TTLL1: variants seen among roughly 807,000 people sequenced by gnomAD.
TTLL1 encodes polyglutamylase complex subunit TTLL1.
TTLL1 carries 33 observed loss-of-function variants against 47.8 expected under a neutral mutation model. The ratio of observed to expected loss-of-function variants is 0.69; its 90% confidence interval spans 0.52 to 0.92. The LOEUF (loss-of-function observed/expected upper bound fraction) is 0.92, where lower values mean the gene tolerates loss of function less well. TTLL1 is among the 40% of genes least tolerant of loss of function. TTLL1 has a pLI of 0.00. For missense variants in TTLL1, 488 were observed against 547.5 expected, an observed-to-expected ratio of 0.89 and a Z score of 1.08; for synonymous variants, 225 against 214.1, an observed-to-expected ratio of 1.05 and a Z score of -0.45.
intron 1 of TTLL1, among the ~76,000 whole-genome samples, chr22:43,086,504 C>T (rs1469667789): frequency 6.6e-6 from 1 of 152,130 alleles, no homozygotes; most frequent in Non-Finnish European, 1.5e-5. Flanking sequence ...TTCTCATCCA[C>T]CCACACAGCC....
At chr22:43,041,025 C>A (rs1424055802) in intron 10 of TTLL1, among the ~76,000 whole-genome samples, 1 of 152,164 alleles carries the variant, frequency 6.6e-6, no homozygotes, top group Non-Finnish European at 1.5e-5. Flanking sequence ...ATGGGGCCGC[C>A]CCCCTCCACG....
At position 43,045,470 on chromosome 22, in the gene TTLL1, ATT is replaced by A. The variant is rs57003421; in HGVS notation, c.1142+938_1142+939del. On this transcript the variant is annotated intron_variant, in intron 10 of 10. Coordinates refer to ENST00000266254, the MANE Select transcript of TTLL1 (RefSeq NM_012263.5). ...CTGTAAAATAGATCTTATTATACCCATTTTTTTTTTTTTTTTTTTTTGTAGAG... is the reference window on the plus strand; with the variant it reads ...CTGTAAAATAGATCTTATTATACCCATTTTTTTTTTTTTTTTTTTGTAGAG... Among the ~76,000 whole-genome samples the A allele has an allele frequency of 4.6e-3, 501 of 107,942 alleles. 1 individual carries two copies. Among genetic ancestry groups the A allele is most frequent in the African/African-American group, 0.017 (456 of 27,092 alleles). The allele number at this position is 107,942 out of a possible 152,430, so 70.8% of individuals were successfully genotyped here.
chr22:43,073,578 A>T (rs1928276943), intron 3 of TTLL1, among the ~76,000 whole-genome samples: 1 of 150,956 alleles, frequency 6.6e-6, no homozygotes, highest in African/African-American at 2.4e-5. Flanking sequence ...CTGGTCTCCA[A>T]CTCCTGACCT....
chr22:43,057,159 A>G (rs1927071031), intron 8 of TTLL1, among the ~76,000 whole-genome samples: 1 of 151,950 alleles, frequency 6.6e-6, no homozygotes, highest in Non-Finnish European at 1.5e-5. Flanking sequence ...AATCCCAGCT[A>G]CTTGGGAGGC....
intron 3 of TTLL1, among the ~76,000 whole-genome samples, chr22:43,071,612 G>T (rs578198793): frequency 5.9e-5 from 9 of 152,168 alleles, no homozygotes; most frequent in African/African-American, 2.2e-4. Context: ...GTTTTGCCAC[G>T]TTGGCCAGGC....
intron 9 of TTLL1, among the ~76,000 whole-genome samples, chr22:43,050,421 C>CA (rs201095847): frequency 2.1e-3 from 265 of 126,096 alleles, no homozygotes; most frequent in Middle Eastern, 7.7e-3. Flanking sequence ...GTCTCAAAAA[C>CA]AAAAAAAAAA....
chr22:43,074,025 T>C (rs1928312782), intron 3 of TTLL1, among the ~76,000 whole-genome samples: 1 of 150,846 alleles, frequency 6.6e-6, no homozygotes, highest in Admixed American at 6.6e-5. Flanking sequence ...GGTTTTGTCA[T>C]GTTGGTCATG....
At chr22:43,089,218 CCG>C (rs556685938) in intron 1 of TTLL1, 57 bp downstream of exon 1, 3 of 152,432 alleles carry the variant, frequency 2.0e-5, no homozygotes, top group African/African-American at 7.2e-5. Flanking sequence ...ACTCGCCAGC[CCG>C]CGCGCAGCCA....
At chr22:43,044,167 C>T (rs1178541579) in intron 10 of TTLL1, among the ~76,000 whole-genome samples, 4 of 152,078 alleles carry the variant, frequency 2.6e-5, no homozygotes, top group Non-Finnish European at 5.9e-5. Context: ...ATCGCAAGCT[C>T]CCAATCCTGG....
intron 9 of TTLL1, among the ~76,000 whole-genome samples, chr22:43,046,976 T>C (rs974307439): frequency 1.3e-5 from 2 of 152,084 alleles, no homozygotes; most frequent in Non-Finnish European, 2.9e-5. Flanking sequence ...TGGAAAATGG[T>C]TATTTAATAT....
intron 8 of TTLL1, among the ~76,000 whole-genome samples, chr22:43,055,946 T>C (rs1926970807): frequency 6.6e-6 from 1 of 152,080 alleles, no homozygotes; most frequent in South Asian, 2.1e-4. Flanking sequence ...GGTCTCGCTA[T>C]ATTGCCCAGG....
Position 43,075,499 on chromosome 22 carries a change from C to A in TTLL1, c.88G>T (p.Glu30Ter), listed in dbSNP as rs745361101. ...CAGTAAAAATTCCAGTCCTCGTTTT[C>A]TGTCACTTGGACCCATCCTCTCTTT... ...FEKRGWVQVT[E>*]NEDWNFYWMS... The change falls in exon 3 of 11, where the codon GAA (glutamate) becomes TAA (stop). Residue 30 changes from glutamate (E) to a stop codon, truncating the protein, a stop_gained. Coordinates refer to ENST00000266254, the MANE Select transcript of TTLL1 (RefSeq NM_012263.5). LOFTEE classifies it high-confidence loss of function. 2 of 1,614,192 alleles carry A rather than the reference C, an allele frequency of 1.2e-6. No individual in the cohort carries two copies. The highest frequency in any genetic ancestry group is 1.7e-6 in the Non-Finnish European group (2 of 1,180,018).
rs760234023 is a variant in TTLL1, at chr22:43,051,890, GGAGA to G, written c.892-7_892-4del. 10 of 1,613,686 alleles carry G rather than the reference GGAGA, an allele frequency of 6.2e-6. No homozygotes were observed. Among genetic ancestry groups the G allele is most frequent in the African/African-American group, 1.3e-5 (1 of 74,876 alleles). On this transcript the variant is annotated splice_region_variant and splice_polypyrimidine_tract_variant and intron_variant, in intron 8 of 10. Transcript: ENST00000266254. ...TGCTTGTCATTGTTCATCACCGGCTGGAGAGAGAGTGACCAGTGGGTGACATGGC... is the reference window on the plus strand; with the variant it reads ...TGCTTGTCATTGTTCATCACCGGCTGGAGAGTGACCAGTGGGTGACATGGC...
At chr22:43,057,586 CCA>C (rs1927102330) in intron 8 of TTLL1, among the ~76,000 whole-genome samples, 1 of 152,086 alleles carries the variant, frequency 6.6e-6, no homozygotes, top group African/African-American at 2.4e-5. Flanking sequence ...AAGTATCCCA[CCA>C]CACACACACT....
intron 9 of TTLL1, among the ~76,000 whole-genome samples, chr22:43,048,356 T>C (rs1223211149): frequency 6.6e-6 from 1 of 151,310 alleles, no homozygotes; most frequent in Non-Finnish European, 1.5e-5. Flanking sequence ...TGTTTTAGGC[T>C]GTGTGCAGTG....
intron 3 of TTLL1, among the ~76,000 whole-genome samples, chr22:43,073,260 A>G (rs962911863): frequency 6.6e-6 from 1 of 152,100 alleles, no homozygotes; most frequent in Non-Finnish European, 1.5e-5. Context: ...TCCTGACCTC[A>G]GGTGATCCAC....
intron 10 of TTLL1, among the ~76,000 whole-genome samples, chr22:43,043,412 G>A (rs1282598746): frequency 2.6e-5 from 4 of 151,746 alleles, no homozygotes; most frequent in South Asian, 2.1e-4. Context: ...AAGTCTCCCC[G>A]CAATGGTCCC....
chr22:43,069,650 T>C lies in TTLL1; in HGVS notation c.308A>G (p.Lys103Arg). ...SPLAEKDENG[K>R]YLYLDFVPVT... is the part of the protein sequence containing the mutation. ...GACGCACAAACCCAGATAGAGGTAT[T>C]TTCCATTTTCATCTTTTTCTGCCAG... Residue 103 changes from lysine (K) to arginine (R), a missense_variant, in exon 4 of 11, where the codon AAA becomes AGA. Transcript: ENST00000266254. 1.2e-6 allele frequency: 2 copies of C among 1,614,170 alleles called. No individual in the cohort carries two copies. Among genetic ancestry groups the C allele is most frequent in the South Asian group, 2.2e-5 (2 of 91,082 alleles).
At chr22:43,048,390 T>G (rs1344860339) in intron 9 of TTLL1, among the ~76,000 whole-genome samples, 1 of 151,480 alleles carries the variant, frequency 6.6e-6, no homozygotes, top group Non-Finnish European at 1.5e-5. Context: ...ACTCCAGCAC[T>G]TTGGGAGGCC....
Sources: allele counts gnomAD v4.1 joint callset (sites outside exome capture counted in the v4.1 genomes callset), GRCh38; gene constraint gnomAD v4.1.1; transcripts MANE v1.5; gene names NCBI Gene and HGNC (gene_info 2026-07-23, HGNC 2026-07-21).